NKAIN3: variants seen among roughly 807,000 people sequenced by gnomAD.
NKAIN3 encodes the protein sodium/potassium-transporting ATPase subunit beta-1-interacting protein 3.
A neutral mutation model predicts 30.2 loss-of-function variants in NKAIN3; 25 were observed. The observed-to-expected ratio is 0.83, with a 90% CI of 0.60 to 1.16. The LOEUF (loss-of-function observed/expected upper bound fraction) is 1.16. Ranked by LOEUF, NKAIN3 falls within the 50% of genes most tolerant of loss-of-function variation. The pLI, the probability that NKAIN3 is intolerant of heterozygous loss-of-function variation, is 0.00. For synonymous variants in NKAIN3, 91 were observed against 89.6 expected (o/e 1.02, Z -0.09); for missense variants, 225 against 254.1 (o/e 0.89, Z 0.78).
intron 3 of NKAIN3, among the ~76,000 whole-genome samples, chr8:62,702,911 G>C (rs141141901): frequency 6.6e-6 from 1 of 152,240 alleles, no homozygotes; most frequent in Admixed American, 6.5e-5. Flanking sequence ...CAATGTAAAT[G>C]TCAATGAAGC....
At chr8:62,723,964 A>T (rs928977111) in intron 3 of NKAIN3, among the ~76,000 whole-genome samples, 1 of 152,142 alleles carries the variant, frequency 6.6e-6, no homozygotes, top group African/African-American at 2.4e-5. Context: ...TCTGCATTCC[A>T]TCAAGGTGGT....
chr8:62,848,715 G>T (rs1461406031), intron 4 of NKAIN3, among the ~76,000 whole-genome samples: 3 of 152,140 alleles, frequency 2.0e-5, no homozygotes, highest in Admixed American at 1.3e-4. Flanking sequence ...TTGAATAGTA[G>T]TGGTGAGAGA....
rs182444214 is a variant in NKAIN3 at position 62,423,938 on chromosome 8, G to T, written c.55-155601G>T. Among the ~76,000 whole-genome samples the T allele has an allele frequency of 9.9e-4, 151 of 152,072 alleles. 1 individual carries two copies. The East Asian group carries it at 0.017, about 18-fold the overall frequency. ...TTACTTAGCTGAACACTGGCTTTGTGGGAGTAGTTCTCCAGCTGTTTGTGG... is the reference window on the plus strand; with the variant it reads ...TTACTTAGCTGAACACTGGCTTTGTTGGAGTAGTTCTCCAGCTGTTTGTGG... On this transcript the variant is annotated intron_variant, in intron 1 of 6. Transcript: ENST00000623646.
At chr8:62,781,700 A>G (rs1273980124) in intron 4 of NKAIN3, among the ~76,000 whole-genome samples, 5 of 151,818 alleles carry the variant, frequency 3.3e-5, no homozygotes, top group African/African-American at 1.2e-4. Flanking sequence ...TCAAAAAAAA[A>G]GAAACTAGAT....
At position 62,519,436 on chromosome 8, in the gene NKAIN3, A is replaced by G. The variant is rs138091733; in HGVS notation, c.55-60103A>G. On this transcript the variant is annotated intron_variant, in intron 1 of 6. Transcript: ENST00000623646. ...GGTTTAGTGCATATTTTACTTTCTT[A>G]GAAGCTCAGAATCTATGATCATATA... 4.1e-3 allele frequency among the ~76,000 whole-genome samples: 619 copies of G among 152,302 alleles called. 4 individuals carry two copies. The highest frequency in any genetic ancestry group is 0.014 in the African/African-American group (588 of 41,570).
intron 4 of NKAIN3, among the ~76,000 whole-genome samples, chr8:62,873,324 C>T (rs1377808214): frequency 6.6e-6 from 1 of 151,824 alleles, no homozygotes; most frequent in African/African-American, 2.4e-5. Flanking sequence ...AAAGAAGCAT[C>T]CAGATTCACA....
chr8:62,985,533 A>G (rs1824184365), downstream of NKAIN3, among the ~76,000 whole-genome samples: 1 of 152,060 alleles, frequency 6.6e-6, no homozygotes, highest in Non-Finnish European at 1.5e-5. Flanking sequence ...CTCCACCACA[A>G]CCCAGCCAGG....
chr8:62,806,094 C>G (rs902830484), intron 4 of NKAIN3, among the ~76,000 whole-genome samples: 2 of 152,152 alleles, frequency 1.3e-5, no homozygotes, highest in East Asian at 1.9e-4. Context: ...CAAATCAAAA[C>G]CACAATGAGA....
intron 3 of NKAIN3, among the ~76,000 whole-genome samples, chr8:62,691,787 A>T (rs996514299): frequency 6.6e-6 from 1 of 152,326 alleles, no homozygotes. Context: ...GAGCTGGCAC[A>T]TTGTGTCAGT....
At chr8:62,372,723 C>A (rs1352960818) in intron 1 of NKAIN3, among the ~76,000 whole-genome samples, 1 of 151,858 alleles carries the variant, frequency 6.6e-6, no homozygotes, top group African/African-American at 2.4e-5. Context: ...ATGAAGACAG[C>A]AAGCAATTAG....
At chr8:62,751,785 G>A (rs1352818840) in intron 4 of NKAIN3, among the ~76,000 whole-genome samples, 2 of 150,210 alleles carry the variant, frequency 1.3e-5, no homozygotes, top group Non-Finnish European at 2.9e-5. Flanking sequence ...ATGTCATATA[G>A]CTATTATACA....
intron 1 of NKAIN3, among the ~76,000 whole-genome samples, chr8:62,320,844 G>T (rs1814863265): frequency 6.6e-6 from 1 of 152,070 alleles, no homozygotes; most frequent in Admixed American, 6.5e-5. Flanking sequence ...TATCCTTGTG[G>T]CATTCTCTGT....
rs1275798235 is a variant in NKAIN3, at chr8:62,969,853, T to C, written c.*4446T>C. 6.6e-6 allele frequency among the ~76,000 whole-genome samples: 1 copy of C among 152,108 alleles called. No individual in the cohort carries two copies. Among genetic ancestry groups the C allele is most frequent in the South Asian group, 2.1e-4 (1 of 4,832 alleles). On this transcript the variant is annotated 3_prime_UTR_variant, in exon 7 of 7. Coordinates refer to ENST00000623646, the MANE Select transcript of NKAIN3 (RefSeq NM_001304533.3). ...AAGGATATTATGCCCAAAAGTGAAC[T>C]GACAGAGGAAAGTACTCTTCATATA...
chr8:62,787,260 G>A (rs569592348), intron 4 of NKAIN3, among the ~76,000 whole-genome samples: 16 of 151,974 alleles, frequency 1.1e-4, no homozygotes, highest in East Asian at 3.9e-4. Context: ...AAAACATATC[G>A]CTTATTGTTT....
At chr8:62,630,794 C>A (rs577240095) in intron 3 of NKAIN3, among the ~76,000 whole-genome samples, 1 of 152,118 alleles carries the variant, frequency 6.6e-6, no homozygotes, top group Admixed American at 6.6e-5. Context: ...GAGAAATCTG[C>A]CTCCACCCAA....
intron 3 of NKAIN3, among the ~76,000 whole-genome samples, chr8:62,682,918 AAGCCAT>A (rs891045616): frequency 5.9e-5 from 9 of 152,308 alleles, no homozygotes; most frequent in African/African-American, 2.2e-4. Flanking sequence ...CTAAAGACAA[AAGCCAT>A]ATTTTCTTGG....
chr8:62,738,463 G>A (rs1239694151), intron 3 of NKAIN3, among the ~76,000 whole-genome samples: 1 of 151,988 alleles, frequency 6.6e-6, no homozygotes, highest in Admixed American at 6.6e-5. Context: ...GCCGGGCATG[G>A]TGGCATGTGC....
At chr8:62,352,382 A>G (rs11774913) in intron 1 of NKAIN3, among the ~76,000 whole-genome samples, 2,759 of 152,238 alleles carry the variant, frequency 0.018, 37 homozygotes, top group Non-Finnish European at 0.026. Flanking sequence ...TAGCACATGG[A>G]CCATTTTATT....
chr8:62,877,037 C>T (rs1820820003), intron 4 of NKAIN3, among the ~76,000 whole-genome samples: 1 of 151,496 alleles, frequency 6.6e-6, no homozygotes, highest in Admixed American at 6.6e-5. Context: ...GCTACCCTGC[C>T]TTGAAGGGGT....
Sources: allele counts gnomAD v4.1 joint callset (sites outside exome capture counted in the v4.1 genomes callset), GRCh38; gene constraint gnomAD v4.1.1; transcripts MANE v1.5; gene names NCBI Gene and HGNC (gene_info 2026-07-23, HGNC 2026-07-21).